MIS18BP1: variants seen among roughly 807,000 people sequenced by gnomAD.
MIS18BP1 encodes the protein mis18-binding protein 1.
MIS18BP1 carries 72 observed loss-of-function variants against 116.1 expected under a neutral mutation model. That is an observed-to-expected ratio of 0.62 (90% CI 0.51 to 0.75). The LOEUF is 0.75. MIS18BP1 is among the 30% of genes least tolerant of loss of function. The pLI is 0.00. For missense variants in MIS18BP1, 1,363 were observed against 1,303.2 expected, an observed-to-expected ratio of 1.05 and a Z score of -0.71; for synonymous variants, 386 against 427.0, an observed-to-expected ratio of 0.90 and a Z score of 1.18.
At chr14:45,248,908 T>C (rs1891794369) in intron 1 of MIS18BP1, among the ~76,000 whole-genome samples, 1 of 152,122 alleles carries the variant, frequency 6.6e-6, no homozygotes, top group African/African-American at 2.4e-5. Context: ...AGCCGTTCAC[T>C]TCATTTCTGT....
chr14:45,250,910 G>A lies in MIS18BP1; in HGVS notation c.-92+2125C>T, dbSNP rs558085523. On this transcript the variant is annotated intron_variant, in intron 1 of 16. Coordinates refer to ENST00000310806, the MANE Select transcript of MIS18BP1 (RefSeq NM_018353.5). ...AAATTAGCCGGGCGTGGTGACACGC[G>A]CCTGTATTCCCAGCTACTTGGGAGG... is the stretch of plus-strand genomic sequence containing the variant. Among the ~76,000 whole-genome samples, 6 of 152,164 alleles carry A rather than the reference G, an allele frequency of 3.9e-5. No individual in the cohort carries two copies. The East Asian group carries it at 9.7e-4, about 25-fold the overall frequency.
intron 13 of MIS18BP1, among the ~76,000 whole-genome samples, chr14:45,215,134 C>A (rs1890780656): frequency 6.6e-6 from 1 of 152,200 alleles, no homozygotes; most frequent in South Asian, 2.1e-4. Flanking sequence ...ATAAAGGGTA[C>A]AACCCCTAGT....
At chr14:45,248,359 G>A (rs1005478998) in intron 1 of MIS18BP1, among the ~76,000 whole-genome samples, 16 of 152,040 alleles carry the variant, frequency 1.1e-4, no homozygotes, top group Admixed American at 5.9e-4. Flanking sequence ...GAGCCACCGC[G>A]CCCGGCCACA....
In MIS18BP1 at chr14:45,224,618, A is replaced by G. The variant is rs1455922085; in HGVS notation, c.1969T>C (p.Ser657Pro). 6.2e-7 allele frequency: 1 copy of G among 1,613,638 alleles called. No individual in the cohort carries two copies. The highest frequency in any genetic ancestry group is 1.7e-5 in the Admixed American group (1 of 59,956). Reference sequence around the variant, plus strand: ...CATCTTTGCTCTATCACTTTTCTAGATTTAAGTGGTGTTACTAAAATATAA... The same window carrying G: ...CATCTTTGCTCTATCACTTTTCTAGGTTTAAGTGGTGTTACTAAAATATAA... Reference protein sequence around the residue: ...KAYILVTPLKSRKVIEQRCMR... With the variant: ...KAYILVTPLKPRKVIEQRCMR... The change falls in exon 11 of 17, where the codon TCT becomes CCT. Residue 657 changes from serine to proline, a missense_variant. Transcript: ENST00000310806.
intron 11 of MIS18BP1, among the ~76,000 whole-genome samples, chr14:45,220,697 T>G (rs1387942052): frequency 6.6e-6 from 1 of 152,192 alleles, no homozygotes; most frequent in Non-Finnish European, 1.5e-5. Flanking sequence ...AGTAATCCAC[T>G]GAAAGAATGC....
intron 13 of MIS18BP1, among the ~76,000 whole-genome samples, chr14:45,212,602 A>T (rs1301141833): frequency 6.6e-6 from 1 of 152,230 alleles, no homozygotes; most frequent in Non-Finnish European, 1.5e-5. Context: ...GGTGATCAGC[A>T]GCTTCCTCAT....
Position 45,237,583 on chromosome 14 carries a change from T to A in MIS18BP1, c.1217+65A>T, listed in dbSNP as rs142151153. On this transcript the variant is annotated intron_variant, in intron 5 of 16. Transcript: ENST00000310806. ...TGTGGAGGATGCTATTTCTCATGCA[T>A]TAACTCTTAAGTGCTTACACATAAC... 3.0e-4 allele frequency: 454 copies of A among 1,522,642 alleles called. 4 individuals are homozygous for A. The African/African-American group carries it at 5.9e-3, about 20-fold the overall frequency. 94.3% of individuals were successfully genotyped at this position (1,522,642 alleles called of 1,614,324 possible). A position where few individuals can be genotyped will look rare whatever the true frequency, so the allele number is the denominator to read the frequency against.
chr14:45,232,448 A>C (rs569562870), intron 7 of MIS18BP1: 5 of 280,354 alleles, frequency 1.8e-5, no homozygotes, highest in South Asian at 7.7e-5. Flanking sequence ...ACAACAACAA[A>C]AAAACTGGCA....
chr14:45,222,011 G>C (rs1275452849), intron 11 of MIS18BP1, among the ~76,000 whole-genome samples: 1 of 151,990 alleles, frequency 6.6e-6, no homozygotes, highest in South Asian at 2.1e-4. Flanking sequence ...CTTTATTCCT[G>C]GTTATTTTCT....
At chr14:45,236,945 G>C (rs1274412088) in intron 5 of MIS18BP1, among the ~76,000 whole-genome samples, 4 of 150,644 alleles carry the variant, frequency 2.7e-5, no homozygotes, top group Non-Finnish European at 5.9e-5. Context: ...GACAGATAAA[G>C]AATGGACAAT....
At chr14:45,240,109 A>G (rs1238336908) in intron 4 of MIS18BP1, among the ~76,000 whole-genome samples, 2 of 152,094 alleles carry the variant, frequency 1.3e-5, no homozygotes, top group Non-Finnish European at 2.9e-5. Context: ...CTGGAAACAT[A>G]TTGGAGAGCT....
At position 45,242,593 on chromosome 14, in the gene MIS18BP1, G is replaced by T. The variant is rs1891612273; in HGVS notation, c.659-75C>A. Reference sequence around the variant, plus strand: ...CAGGAAATTAAAAGAGATAAATTTAGGTTAGGAACGTTCCACCCTCCTGCC... The same window carrying T: ...CAGGAAATTAAAAGAGATAAATTTATGTTAGGAACGTTCCACCCTCCTGCC... On this transcript the variant is annotated intron_variant, in intron 3 of 16. Coordinates refer to ENST00000310806, the MANE Select transcript of MIS18BP1 (RefSeq NM_018353.5). 2.0e-6 allele frequency: 3 copies of T among 1,501,112 alleles called. No homozygotes were observed. The Admixed American group carries it at 7.2e-5, about 36-fold the overall frequency. The allele number at this position is 1,501,112 out of a possible 1,614,324, so 93.0% of individuals were successfully genotyped here.
rs867398992 is a variant in MIS18BP1 at position 45,221,220 on chromosome 14, C to T, written c.2669+2698G>A. 1.6e-4 allele frequency among the ~76,000 whole-genome samples: 25 copies of T among 151,970 alleles called. No individual in the cohort carries two copies. In the Middle Eastern group the frequency reaches 0.01, roughly 62 times the overall value. ...TTGGGAGGCCAAGGCGGGAGGATCA[C>T]GAGGTCAGGAGATCGAGACCATCCT... On this transcript the variant is annotated intron_variant, in intron 11 of 16. Transcript: ENST00000310806.
chr14:45,247,317 T>C lies in MIS18BP1; in HGVS notation c.-31A>G, dbSNP rs1566823977. 6.6e-7 allele frequency: 1 copy of C among 1,508,326 alleles called. No homozygotes were observed. Among genetic ancestry groups the C allele is most frequent in the Non-Finnish European group, 8.8e-7 (1 of 1,135,514 alleles). 93.4% of individuals were successfully genotyped at this position (1,508,326 alleles called of 1,614,324 possible). ...CAAGAAAGTAGCAACCAAGTTCTTC[T>C]AACAGAAAATTCACTTAAGCGCAAT... On this transcript the variant is annotated 5_prime_UTR_variant, in exon 2 of 17. Coordinates refer to ENST00000310806, the MANE Select transcript of MIS18BP1 (RefSeq NM_018353.5).
chr14:45,234,388 C>G (rs1594519420), intron 6 of MIS18BP1, among the ~76,000 whole-genome samples: 1 of 151,266 alleles, frequency 6.6e-6, no homozygotes, highest in Non-Finnish European at 1.5e-5. Flanking sequence ...ACTGGAATAA[C>G]ATCCTTGAGT....
At position 45,247,181 on chromosome 14, in the gene MIS18BP1, A is replaced by T. The variant is rs771231582; in HGVS notation, c.106T>A (p.Ser36Thr). 1.2e-6 allele frequency: 2 copies of T among 1,613,028 alleles called. No individual in the cohort carries two copies. Among genetic ancestry groups the T allele is most frequent in the Non-Finnish European group, 1.7e-6 (2 of 1,179,944 alleles). The change falls in exon 2 of 17, where the codon TCA (serine) becomes ACA (threonine). Residue 36 changes from serine to threonine, a missense_variant. Transcript: ENST00000310806. The part of the protein sequence containing the change: ...MDAIFFDSIP[S>T]GTLTPVKDLV... ...TCTTTTACAGGAGTAAGTGTGCCTG[A>T]AGGAATGCTGTCAAAAAAGATTGCA...
chr14:45,232,736 A>C lies in MIS18BP1; in HGVS notation c.1433T>G (p.Leu478Ter). The C allele has an allele frequency of 7.0e-7, 1 of 1,425,576 alleles. No individual in the cohort carries two copies. Among genetic ancestry groups the C allele is most frequent in the Non-Finnish European group, 9.6e-7 (1 of 1,043,494 alleles). 88.3% of individuals were successfully genotyped at this position (1,425,576 alleles called of 1,614,324 possible). A position where few individuals can be genotyped will look rare whatever the true frequency, so the allele number is the denominator to read the frequency against. ...KEHIDNFLEQLRAGEKNREKT... is the reference protein window; with the variant it reads ...KEHIDNFLEQ The stretch of plus-strand genomic sequence containing the variant: ...AAAACATAAAACAACATTTTACCTT[A>C]ATTGTTCCAGAAAATTATCAATGTG... The change falls in exon 7 of 17, where the codon TTA becomes TGA. Residue 478 changes from leucine to a stop codon, truncating the protein, a stop_gained. Coordinates refer to ENST00000310806, the MANE Select transcript of MIS18BP1 (RefSeq NM_018353.5). LOFTEE classifies it high-confidence loss of function.
At chr14:45,220,824 A>G (rs1890952074) in intron 11 of MIS18BP1, among the ~76,000 whole-genome samples, 1 of 152,092 alleles carries the variant, frequency 6.6e-6, no homozygotes, top group African/African-American at 2.4e-5. Context: ...ATTTTGATAT[A>G]TTTTCATTTT....
At chr14:45,208,580 C>T (rs971091114) in intron 14 of MIS18BP1, among the ~76,000 whole-genome samples, 9 of 152,086 alleles carry the variant, frequency 5.9e-5, no homozygotes, top group African/African-American at 2.2e-4. Context: ...GATCCGTCGG[C>T]CTCAGCCTCC....
Sources: allele counts gnomAD v4.1 joint callset (sites outside exome capture counted in the v4.1 genomes callset), GRCh38; gene constraint gnomAD v4.1.1; transcripts MANE v1.5; gene names NCBI Gene and HGNC (gene_info 2026-07-23, HGNC 2026-07-21).